The following RBM47 variants were observed in gnomAD, a reference collection of about 807,000 sequenced individuals.
RBM47 encodes the protein RNA-binding protein 47.
In RBM47, 21 loss-of-function variants were observed where a neutral mutation model predicts 47.1. The observed-to-expected ratio is 0.45, with a 90% CI of 0.32 to 0.64. The LOEUF (loss-of-function observed/expected upper bound fraction) is 0.64, where lower values mean the gene tolerates loss of function less well. RBM47 is among the 30% of genes least tolerant of loss of function. The probability of loss-of-function intolerance (pLI) is 0.05; values close to 1 mark genes in which losing one functional copy is unlikely to be tolerated. For synonymous variants in RBM47, 375 were observed against 361.7 expected, an observed-to-expected ratio of 1.04 and a Z score of -0.42; for missense variants, 708 against 870.9, an observed-to-expected ratio of 0.81 and a Z score of 2.35.
Position 40,572,102 on chromosome 4 carries a change from A to C in RBM47, c.-239-27596T>G, listed in dbSNP as rs891043416. Among the ~76,000 whole-genome samples, 25 of 148,590 alleles carry C rather than the reference A, an allele frequency of 1.7e-4. 1 individual carries two copies. Among genetic ancestry groups the C allele is most frequent in the Non-Finnish European group, 3.4e-4 (23 of 67,254 alleles). On this transcript the variant is annotated intron_variant, in intron 1 of 6. Transcript: ENST00000295971. ...AAAACTACTGGAAAAAAAAAAAAAA[A>C]CCCACCAGGTGTGGCTCACCCTGTA...
In RBM47 at chr4:40,628,653, AC is replaced by A. The variant is rs546074710; in HGVS notation, c.-240+742del. 7.5e-5 allele frequency among the ~76,000 whole-genome samples: 11 copies of A among 146,720 alleles called. No homozygotes were observed. Among genetic ancestry groups the A allele is most frequent in the African/African-American group, 3.0e-4 (11 of 36,852 alleles). On this transcript the variant is annotated intron_variant, in intron 1 of 6. Transcript: ENST00000295971. This position sits in a 1 kb window ranked among gnomAD's most constrained non-coding sequence, Gnocchi z 4.0. ...AAAGAAAACAGTGAGTCATTAAAAT[AC>A]CACCAGATAAAAAAAAAAGGTTTGA...
chr4:40,568,751 C>T (rs954569174), intron 1 of RBM47, among the ~76,000 whole-genome samples: 2 of 151,868 alleles, frequency 1.3e-5, no homozygotes, highest in Non-Finnish European at 2.9e-5. Context: ...GAGGCCGAGG[C>T]GGGTGGATCA....
intron 1 of RBM47, among the ~76,000 whole-genome samples, chr4:40,583,249 A>G (rs1733130903): frequency 6.6e-6 from 1 of 151,992 alleles, no homozygotes; most frequent in Non-Finnish European, 1.5e-5. Context: ...CGTCTCTACT[A>G]AAAATACAAA....
At chr4:40,518,982 C>A (rs964505114) in intron 2 of RBM47, among the ~76,000 whole-genome samples, 1 of 151,816 alleles carries the variant, frequency 6.6e-6, no homozygotes, top group Non-Finnish European at 1.5e-5. Context: ...ATCACTTGAG[C>A]CCAGAGTTTA....
chr4:40,497,440 G>C (rs1722756727), intron 2 of RBM47, among the ~76,000 whole-genome samples: 2 of 148,102 alleles, frequency 1.4e-5, no homozygotes, highest in Admixed American at 1.3e-4. Context: ...CAACATAGTG[G>C]GACCCCCTTC....
chr4:40,555,839 C>T (rs1244012339), intron 1 of RBM47, among the ~76,000 whole-genome samples: 1 of 152,154 alleles, frequency 6.6e-6, no homozygotes, highest in Non-Finnish European at 1.5e-5. Flanking sequence ...TGTGCTGTCA[C>T]CTGTGAAGGC....
chr4:40,516,007 CG>C (rs1725520594), intron 2 of RBM47: 1 of 152,318 alleles, frequency 6.6e-6, no homozygotes, highest in African/African-American at 2.4e-5. Context: ...CATAAATGAC[CG>C]TTTTATCTGC....
At chr4:40,471,125 G>A (rs1180112989) in intron 2 of RBM47, among the ~76,000 whole-genome samples, 7 of 152,274 alleles carry the variant, frequency 4.6e-5, no homozygotes, top group African/African-American at 1.7e-4. Context: ...AGACCACCAG[G>A]TTGAGAGTCA....
At chr4:40,446,453 T>A (rs1714536440) in intron 3 of RBM47, among the ~76,000 whole-genome samples, 1 of 152,138 alleles carries the variant, frequency 6.6e-6, no homozygotes, top group African/African-American at 2.4e-5. Flanking sequence ...AAACTGAACT[T>A]AAGGCTGGGC....
rs536024262 is a variant in RBM47, at chr4:40,610,747, G to A, written c.-240+18649C>T. Among the ~76,000 whole-genome samples, 25 of 152,188 alleles carry A rather than the reference G, an allele frequency of 1.6e-4. No individual in the cohort carries two copies. In the South Asian group the frequency reaches 3.3e-3, roughly 20 times the overall value. On this transcript the variant is annotated intron_variant, in intron 1 of 6. Transcript: ENST00000295971. The stretch of plus-strand genomic sequence containing the variant: ...CCCATGTGGTGTGGGAGGAACCCAG[G>A]GGGGAGGTAATTGAATCATGGGGGC...
At chr4:40,529,972 A>G (rs1440860385) in intron 2 of RBM47, among the ~76,000 whole-genome samples, 1 of 107,914 alleles carries the variant, frequency 9.3e-6, no homozygotes. Context: ...GTCTCACTCT[A>G]TCACCCAGGC....
At chr4:40,615,897 TAATA>T (rs1315712813) in intron 1 of RBM47, among the ~76,000 whole-genome samples, 1 of 152,134 alleles carries the variant, frequency 6.6e-6, no homozygotes, top group African/African-American at 2.4e-5. Context: ...AATTAAGCAA[TAATA>T]AATACAATTA....
intron 1 of RBM47, among the ~76,000 whole-genome samples, chr4:40,602,504 T>C (rs1244501573): frequency 6.6e-6 from 1 of 151,736 alleles, no homozygotes; most frequent in Non-Finnish European, 1.5e-5. Context: ...AAAAATTAGC[T>C]GGGCATGGTG....
At chr4:40,624,248 C>T (rs1737528180) in intron 1 of RBM47, among the ~76,000 whole-genome samples, 1 of 152,120 alleles carries the variant, frequency 6.6e-6, no homozygotes, top group Non-Finnish European at 1.5e-5. Context: ...GTTAGCCTGC[C>T]TAAAGTCACA....
In RBM47 at chr4:40,468,887, T is replaced by C. The variant is rs547056197; in HGVS notation, c.-154-2188A>G. On this transcript the variant is annotated intron_variant, in intron 2 of 6. Coordinates refer to ENST00000295971, the MANE Select transcript of RBM47 (RefSeq NM_001098634.2). ...TACCTAGTAATCAAGATCATAGTGG[T>C]TGATAAAAACTACGAAAACGAATGT... 7.9e-5 allele frequency among the ~76,000 whole-genome samples: 12 copies of C among 152,320 alleles called. 1 individual carries two copies. Among genetic ancestry groups the C allele is most frequent in the African/African-American group, 2.9e-4 (12 of 41,582 alleles).
chr4:40,522,484 A>G (rs11930075), intron 2 of RBM47, among the ~76,000 whole-genome samples: 20,253 of 152,140 alleles, frequency 0.13, 1,463 homozygotes, highest in East Asian at 0.2. Flanking sequence ...CAGCCTGGGC[A>G]ACAGAGCAAG....
intron 1 of RBM47, among the ~76,000 whole-genome samples, chr4:40,625,917 G>C (rs1737696544): frequency 6.6e-6 from 1 of 152,198 alleles, no homozygotes; most frequent in African/African-American, 2.4e-5. Flanking sequence ...CTAGCACTCT[G>C]TCTTCTCCCG....
chr4:40,446,928 A>G (rs1714627890), intron 3 of RBM47, among the ~76,000 whole-genome samples: 1 of 152,140 alleles, frequency 6.6e-6, no homozygotes, highest in South Asian at 2.1e-4. Context: ...CTAGTGTATC[A>G]GAGTCTCCCA....
intron 1 of RBM47, among the ~76,000 whole-genome samples, chr4:40,568,430 A>G (rs975001292): frequency 2.3e-5 from 1 of 43,388 alleles, no homozygotes; most frequent in Non-Finnish European, 3.6e-5. Context: ...CCCTGTCTCA[A>G]AAAAAAAAAA....
Sources: gnomAD v4.1 joint callset for allele counts (sites outside exome capture counted in the v4.1 genomes callset) on GRCh38, gnomAD v4.1.1 for gene constraint, Gnocchi (gnomAD v3.1) non-coding constraint, MANE v1.5 for transcripts, NCBI Gene and HGNC (gene_info 2026-07-23, HGNC 2026-07-21) for gene names.